The following TRIM34 variants were observed in gnomAD, a reference collection of about 807,000 sequenced individuals.
TRIM34 encodes tripartite motif containing 34.
TRIM34 carries 41 observed loss-of-function variants against 38.1 expected under a neutral mutation model. The ratio of observed to expected loss-of-function variants is 1.08; its 90% CI spans 0.84 to 1.40. The LOEUF (loss-of-function observed/expected upper bound fraction) is 1.40, where lower values mean the gene tolerates loss of function less well. TRIM34 is among the 40% of genes most tolerant of loss of function. The pLI, the probability that TRIM34 is intolerant of heterozygous loss-of-function variation, is 0.00. For synonymous variants in TRIM34, 200 were observed against 202.5 expected, an observed-to-expected ratio of 0.99 and a Z score of 0.10; for missense variants, 556 against 571.4, an observed-to-expected ratio of 0.97 and a Z score of 0.27.
chr11:5,634,545 A>G, intron 3 of TRIM34, 86 bp from the exon 4 acceptor site: 2 of 948,818 alleles, frequency 2.1e-6, no homozygotes, highest in Non-Finnish European at 3.0e-6. Context: ...ATATATATAT[A>G]TATTTCCCTA....
chr11:5,641,281 T>C (rs1564890318), intron 5 of TRIM34, 92 bp downstream of exon 5: 8 of 1,593,376 alleles, frequency 5.0e-6, no homozygotes, highest in Non-Finnish European at 6.9e-6. Context: ...GAATAAAAAA[T>C]CTCCCAGAGT....
intron 7 of TRIM34, 32 bp from the exon 8 acceptor site, chr11:5,643,112 T>G: frequency 8.8e-7 from 1 of 1,135,062 alleles, no homozygotes. Flanking sequence ...TATATTCATA[T>G]ACATATATAT....
At chr11:5,623,177 A>G (rs1849056017), upstream of TRIM34, among the ~76,000 whole-genome samples, 1 of 146,952 alleles carries the variant, frequency 6.8e-6, no homozygotes, top group African/African-American at 2.5e-5. Context: ...GGTTTGCCCT[A>G]ACCAGTTCTC....
intron 5 of TRIM34, 131 bp from the exon 6 acceptor site, chr11:5,642,275 T>G (rs1028835096): frequency 4.0e-5 from 29 of 728,826 alleles, no homozygotes; most frequent in Non-Finnish European, 5.7e-5. Flanking sequence ...GGCTCTCCCT[T>G]CTCCCCCTCC....
chr11:5,643,228 G>A lies in TRIM34; in HGVS notation c.986G>A (p.Trp329Ter). The change falls in exon 8 of 8, where the codon TGG becomes TAG. Residue 329 changes from tryptophan to a stop codon, truncating the protein, a stop_gained. Coordinates refer to ENST00000429814, the MANE Select transcript of TRIM34 (RefSeq NM_021616.6). LOFTEE classifies it low-confidence loss of function (END_TRUNC). ...DQRQVISVPI[W>*]PFQCYNYGVL... ...AGACAAGTGATATCTGTGCCAATTTGGCCTTTTCAGTGTTATAATTATGGT... is the reference window on the plus strand; with the variant it reads ...AGACAAGTGATATCTGTGCCAATTTAGCCTTTTCAGTGTTATAATTATGGT... 2 of 1,612,936 alleles carry A rather than the reference G, an allele frequency of 1.2e-6. No individual in the cohort carries two copies. The highest frequency in any genetic ancestry group is 1.7e-6 in the Non-Finnish European group (2 of 1,179,706).
chr11:5,634,943 A>G (rs1849668556), intron 4 of TRIM34, 82 bp downstream of exon 4: 1 of 1,478,144 alleles, frequency 6.8e-7, no homozygotes, highest in Non-Finnish European at 9.0e-7. Context: ...TGGTGACACT[A>G]AGGGGTTTCT....
At chr11:5,629,295 C>G (rs564580191) in intron 1 of TRIM34, among the ~76,000 whole-genome samples, 1 of 151,934 alleles carries the variant, frequency 6.6e-6, no homozygotes, top group African/African-American at 2.4e-5. Context: ...ACAAAAACTA[C>G]AGGTCATTGA....
chr11:5,629,801 G>A lies in TRIM34; in HGVS notation c.-77-2454G>A, dbSNP rs1048088172. On this transcript the variant is annotated intron_variant, in intron 1 of 7. Coordinates refer to ENST00000429814, the MANE Select transcript of TRIM34 (RefSeq NM_021616.6). ...CGGCTCACTGGAAGCTCTGCCTCCC[G>A]GGTTCACGCCATTCTCCTGCCTTAG... is the stretch of plus-strand genomic sequence containing the variant. 2.4e-4 allele frequency among the ~76,000 whole-genome samples: 37 copies of A among 152,106 alleles called. 1 individual carries two copies. Among genetic ancestry groups the A allele is most frequent in the Non-Finnish European group, 1.9e-4 (13 of 68,016 alleles).
chr11:5,626,078 C>T (rs933278337), intron 1 of TRIM34, among the ~76,000 whole-genome samples: 22 of 152,196 alleles, frequency 1.4e-4, no homozygotes, highest in African/African-American at 5.3e-4. Flanking sequence ...TCAGAGTTCA[C>T]TGTAACTGCC....
chr11:5,643,056 A>G, intron 7 of TRIM34, 88 bp from the exon 8 acceptor site: 1 of 1,291,088 alleles, frequency 7.7e-7, no homozygotes, highest in South Asian at 1.7e-5. Context: ...CACTAGATAA[A>G]CCTACTCCAT....
intron 5 of TRIM34, among the ~76,000 whole-genome samples, chr11:5,641,941 C>A (rs959116004): frequency 1.3e-5 from 2 of 152,086 alleles, no homozygotes; most frequent in African/African-American, 4.8e-5. Flanking sequence ...TGAACTCGGG[C>A]ACAGGCTGAC....
intron 1 of TRIM34, among the ~76,000 whole-genome samples, chr11:5,629,857 G>A (rs956007182): frequency 1.4e-4 from 22 of 152,066 alleles, no homozygotes; most frequent in African/African-American, 4.6e-4. Context: ...ACAGGCGCCC[G>A]CCGCCACCCC....
At chr11:5,641,324 G>T in intron 5 of TRIM34, 135 bp downstream of exon 5, 2 of 1,541,322 alleles carry the variant, frequency 1.3e-6, no homozygotes, top group Non-Finnish European at 1.8e-6. Context: ...ATCTTAAATT[G>T]CTGGTCCCCG....
At chr11:5,624,265 C>G (rs1246117756), upstream of TRIM34, among the ~76,000 whole-genome samples, 1 of 152,132 alleles carries the variant, frequency 6.6e-6, no homozygotes, top group Non-Finnish European at 1.5e-5. Flanking sequence ...ATGTTATATG[C>G]AATAATATGC....
intron 1 of TRIM34, among the ~76,000 whole-genome samples, chr11:5,628,600 G>A (rs977665720): frequency 3.3e-5 from 5 of 151,984 alleles, no homozygotes; most frequent in African/African-American, 4.8e-5. Flanking sequence ...AGCTTTTATT[G>A]TACCCCATCC....
Position 5,641,154 on chromosome 11 carries a change from C to T in TRIM34, c.751-13C>T, listed in dbSNP as rs1223718951. On this transcript the variant is annotated splice_polypyrimidine_tract_variant and intron_variant, in intron 4 of 7. Transcript: ENST00000429814. ...TTATACACTTTGACTCATGTTTTCT[C>T]TTTTCTTTCTAGGACATGAGTGGAA... is the stretch of plus-strand genomic sequence containing the variant. 8.1e-6 allele frequency: 13 copies of T among 1,611,460 alleles called. No individual in the cohort carries two copies. Among genetic ancestry groups the T allele is most frequent in the African/African-American group, 1.3e-5 (1 of 74,660 alleles).
intron 1 of TRIM34, among the ~76,000 whole-genome samples, chr11:5,628,647 A>C (rs1430528156): frequency 6.6e-6 from 1 of 152,164 alleles, no homozygotes; most frequent in Non-Finnish European, 1.5e-5. Context: ...AAGTTGTCAC[A>C]CATCACAGAT....
chr11:5,626,163 G>C (rs1342607139), intron 1 of TRIM34, among the ~76,000 whole-genome samples: 2 of 152,198 alleles, frequency 1.3e-5, no homozygotes, highest in Non-Finnish European at 2.9e-5. Context: ...GAGGCGTCTA[G>C]TCAGGCACAA....
At chr11:5,627,489 A>T (rs1490334126) in intron 1 of TRIM34, among the ~76,000 whole-genome samples, 1 of 152,210 alleles carries the variant, frequency 6.6e-6, no homozygotes, top group Non-Finnish European at 1.5e-5. Context: ...GTTGGAAACT[A>T]ATTTGAAAAA....
Sources: allele counts gnomAD v4.1 joint callset (sites outside exome capture counted in the v4.1 genomes callset), GRCh38; gene constraint gnomAD v4.1.1; transcripts MANE v1.5; gene names NCBI Gene and HGNC (gene_info 2026-07-23, HGNC 2026-07-21).